CLINT1: variants seen among roughly 807,000 people sequenced by gnomAD.
The protein encoded by CLINT1 is clathrin interactor 1, also known as clathrin interacting protein localized in the trans-Golgi region.
In CLINT1, 15 loss-of-function variants were observed where a neutral mutation model predicts 70.4. That is an observed-to-expected ratio of 0.21 (90% CI 0.14 to 0.33). The LOEUF (loss-of-function observed/expected upper bound fraction) is 0.33. CLINT1 is among the 10% of genes least tolerant of loss of function. The pLI is 1.00. For synonymous variants in CLINT1, 227 were observed against 254.7 expected, an observed-to-expected ratio of 0.89 and a Z score of 1.04; for missense variants, 615 against 778.1, an observed-to-expected ratio of 0.79 and a Z score of 2.49.
chr5:157,823,051 A>AT (rs1276677938), intron 1 of CLINT1, among the ~76,000 whole-genome samples: 2 of 152,096 alleles, frequency 1.3e-5, no homozygotes, highest in African/African-American at 2.4e-5. Context: ...ATGAATCTAT[A>AT]TTTTTTATAT....
At chr5:157,851,917 G>T (rs923405512) in intron 1 of CLINT1, among the ~76,000 whole-genome samples, 2 of 152,076 alleles carry the variant, frequency 1.3e-5, no homozygotes, top group Admixed American at 1.3e-4. Context: ...AAGAGCCCTG[G>T]TAAGCCAAAT....
intron 9 of CLINT1, among the ~76,000 whole-genome samples, chr5:157,794,040 A>G (rs1021351334): frequency 6.6e-6 from 1 of 152,102 alleles, no homozygotes; most frequent in African/African-American, 2.4e-5. Flanking sequence ...TATAAAACAA[A>G]TACCACAACC....
chr5:157,833,766 C>T (rs909382598), intron 1 of CLINT1, among the ~76,000 whole-genome samples: 1 of 151,798 alleles, frequency 6.6e-6, no homozygotes, highest in South Asian at 2.1e-4. Context: ...ATGGTGAATC[C>T]TCATCTTTAC....
Position 157,813,210 on chromosome 5 carries a change from G to C in CLINT1, c.370C>G (p.Gln124Glu). 4 of 1,612,834 alleles carry C rather than the reference G, an allele frequency of 2.5e-6. No individual in the cohort carries two copies. The highest frequency in any genetic ancestry group is 3.4e-6 in the Non-Finnish European group (4 of 1,179,770). ...YHFVDEHGKDQGINIRQKVKE... is the reference protein window; with the variant it reads ...YHFVDEHGKDEGINIRQKVKE... ...ACCTTCTGTCGAATATTTATACCTTGATCCTTACCATGCTCATCTATGAGG... is the reference window on the plus strand; with the variant it reads ...ACCTTCTGTCGAATATTTATACCTTCATCCTTACCATGCTCATCTATGAGG... The change falls in exon 5 of 12, where the codon CAA (glutamine) becomes GAA (glutamate). Residue 124 changes from glutamine to glutamate, a missense_variant. This residue lies in a region of CLINT1 where 241 missense variants were observed against 368.6 expected (regional missense o/e 0.65). Transcript: ENST00000411809.
Position 157,803,735 on chromosome 5 carries a change from T to TAG in CLINT1, c.943-17_943-16insCT. Reference sequence around the variant, plus strand: ...GCACTGAAGTCTGAAAACACACACATAACTCAGGAGCTTCGAAAAGTTTGT... The same window carrying TAG: ...GCACTGAAGTCTGAAAACACACACATAGAACTCAGGAGCTTCGAAAAGTTTGT... On this transcript the variant is annotated splice_polypyrimidine_tract_variant and intron_variant, in intron 7 of 11. Transcript: ENST00000411809. The TAG allele has an allele frequency of 1.3e-6, 2 of 1,533,246 alleles. No homozygotes were observed. Among genetic ancestry groups the TAG allele is most frequent in the Non-Finnish European group, 1.8e-6 (2 of 1,130,688 alleles). The allele number at this position is 1,533,246 out of a possible 1,614,324, so 95.0% of individuals were successfully genotyped here.
chr5:157,787,584 C>A lies in CLINT1; in HGVS notation c.*62G>T. On this transcript the variant is annotated 3_prime_UTR_variant, in exon 12 of 12. Transcript: ENST00000411809. ...AGGGTAGTTGATTAGCATTTTCCAT[C>A]CCAACATCACCTATCTGCACAGCTA... 1 of 1,323,390 alleles carries A rather than the reference C, an allele frequency of 7.6e-7. No homozygotes were observed. Among genetic ancestry groups the A allele is most frequent in the Non-Finnish European group, 1.1e-6 (1 of 941,540 alleles). The allele number at this position is 1,323,390 out of a possible 1,614,324, so 82.0% of individuals were successfully genotyped here. A position where few individuals can be genotyped will look rare whatever the true frequency, so the allele number is the denominator to read the frequency against.
intron 1 of CLINT1, among the ~76,000 whole-genome samples, chr5:157,829,659 G>A (rs1031936352): frequency 6.7e-6 from 1 of 150,150 alleles, no homozygotes; most frequent in Admixed American, 6.6e-5. Context: ...AGGTACCTGG[G>A]ACTATAGGTG....
At chr5:157,816,896 T>G in intron 2 of CLINT1, 66 bp from the exon 3 acceptor site, 1 of 1,183,522 alleles carries the variant, frequency 8.4e-7, no homozygotes, top group Non-Finnish European at 1.2e-6. Context: ...GGCAGACTTG[T>G]TCTAATTTGG....
intron 1 of CLINT1, among the ~76,000 whole-genome samples, chr5:157,842,065 G>A (rs936146592): frequency 2.3e-4 from 35 of 152,262 alleles, no homozygotes; most frequent in African/African-American, 7.9e-4. Context: ...AACATTATAA[G>A]CTTTTAGATA....
chr5:157,817,302 ACT>A, intron 2 of CLINT1, 139 bp downstream of exon 2: 1 of 572,346 alleles, frequency 1.7e-6, no homozygotes, highest in Middle Eastern at 3.1e-4. Flanking sequence ...AGTATCTGAA[ACT>A]CTCTACATTA....
intron 1 of CLINT1, among the ~76,000 whole-genome samples, chr5:157,833,323 C>T (rs1763307156): frequency 6.6e-6 from 1 of 151,738 alleles, no homozygotes; most frequent in African/African-American, 2.4e-5. Flanking sequence ...TGCACTTCAG[C>T]CTGGGTGACA....
intron 10 of CLINT1, chr5:157,789,816 C>T (rs1761847209): frequency 2.1e-6 from 1 of 469,122 alleles, no homozygotes. Context: ...AGTCTAGAAG[C>T]CACCATCCCT....
In CLINT1 at chr5:157,819,918, T is replaced by C. The variant is rs529996278; in HGVS notation, c.42-2371A>G. The stretch of plus-strand genomic sequence containing the variant: ...CATGGGTCAAATAAGAAAGGTTCTG[T>C]TTCCGTAACCCTTCACAAGATTCTT... On this transcript the variant is annotated intron_variant, in intron 1 of 11. Transcript: ENST00000411809. 2.6e-5 allele frequency among the ~76,000 whole-genome samples: 4 copies of C among 152,346 alleles called. No homozygotes were observed. In the South Asian group the frequency reaches 8.3e-4, roughly 32 times the overall value.
chr5:157,802,797 C>T (rs1762268073), intron 8 of CLINT1, among the ~76,000 whole-genome samples: 1 of 152,136 alleles, frequency 6.6e-6, no homozygotes, highest in African/African-American at 2.4e-5. Flanking sequence ...CCACCTCCCT[C>T]GGCCTCCCAA....
At chr5:157,830,764 C>CTG (rs1763205396) in intron 1 of CLINT1, among the ~76,000 whole-genome samples, 1 of 73,066 alleles carries the variant, frequency 1.4e-5, no homozygotes, top group South Asian at 5.1e-4. Flanking sequence ...CTCCCTCTCT[C>CTG]TCTCTCTCTC....
At chr5:157,796,746 C>A (rs1172340855) in intron 8 of CLINT1, among the ~76,000 whole-genome samples, 4 of 152,120 alleles carry the variant, frequency 2.6e-5, no homozygotes, top group Admixed American at 6.5e-5. Context: ...AATATATGGC[C>A]AACAGTAATA....
intron 1 of CLINT1, chr5:157,823,756 T>C: frequency 1.2e-6 from 1 of 829,548 alleles, no homozygotes; most frequent in South Asian, 5.6e-5. Context: ...AAATTAACAT[T>C]GTAGAATAGG....
At chr5:157,831,592 TAA>T (rs1763245856) in intron 1 of CLINT1, among the ~76,000 whole-genome samples, 1 of 151,364 alleles carries the variant, frequency 6.6e-6, no homozygotes, top group Admixed American at 6.6e-5. Flanking sequence ...GGTCCCCTCA[TAA>T]AGAGGTAACA....
intron 1 of CLINT1, among the ~76,000 whole-genome samples, chr5:157,840,922 C>G (rs751010791): frequency 6.6e-6 from 1 of 151,754 alleles, no homozygotes; most frequent in Non-Finnish European, 1.5e-5. Flanking sequence ...TTTTAATATG[C>G]CTCAATAAGT....
Sources: allele counts gnomAD v4.1 joint callset (sites outside exome capture counted in the v4.1 genomes callset), GRCh38; gene constraint gnomAD v4.1.1; regional missense constraint gnomAD v4.1.1; transcripts MANE v1.5; gene names NCBI Gene and HGNC (gene_info 2026-07-23, HGNC 2026-07-21).